CLDN18: variants seen among roughly 807,000 people sequenced by gnomAD.
The protein encoded by CLDN18 is claudin-18.
In CLDN18, 20 loss-of-function variants were observed where a neutral mutation model predicts 25.0. That is an observed-to-expected ratio of 0.80 (90% CI 0.56 to 1.16). The LOEUF (loss-of-function observed/expected upper bound fraction) is 1.16. CLDN18 is among the 50% of genes most tolerant of loss of function. CLDN18 has a pLI of 0.00. For synonymous variants in CLDN18, 125 were observed against 135.6 expected (o/e 0.92, Z 0.54); for missense variants, 297 against 345.4 (o/e 0.86, Z 1.11).
At position 138,002,454 on chromosome 3, in the gene CLDN18, T is replaced by G. The variant is rs139217540; in HGVS notation, c.220+3366T>G. Among the ~76,000 whole-genome samples, 521 of 152,310 alleles carry G rather than the reference T, an allele frequency of 3.4e-3. 3 individuals are homozygous for G. Among genetic ancestry groups the G allele is most frequent in the Non-Finnish European group, 3.7e-3 (252 of 68,018 alleles). On this transcript the variant is annotated intron_variant, in intron 1 of 4. Transcript: ENST00000343735. ...AGTTTGGAGTTCCCCCAATTCTGTT[T>G]TCTGTTTAATCTACATGACTCTGTT...
chr3:138,027,226 A>G (rs1293903681), intron 3 of CLDN18, among the ~76,000 whole-genome samples: 1 of 152,234 alleles, frequency 6.6e-6, no homozygotes, highest in Non-Finnish European at 1.5e-5. Flanking sequence ...CCTTTTGGCT[A>G]GGACTCACTC....
In CLDN18 at chr3:138,024,595, C is replaced by T. The variant is rs1942303692; in HGVS notation, c.386-12C>T. 6.4e-7 allele frequency: 1 copy of T among 1,558,344 alleles called. No individual in the cohort carries two copies. Among genetic ancestry groups the T allele is most frequent in the African/African-American group, 1.4e-5 (1 of 73,702 alleles). ...AAACTAACTCTGGAGTTTTCTTTTT[C>T]TTTGCCCACAGGTCTTTGTGCAATT... On this transcript the variant is annotated splice_polypyrimidine_tract_variant and intron_variant, in intron 2 of 4. Coordinates refer to ENST00000183605, the MANE Select transcript of CLDN18 (RefSeq NM_016369.4).
chr3:138,016,910 G>T (rs115007334), intron 1 of CLDN18, among the ~76,000 whole-genome samples: 2,127 of 152,202 alleles, frequency 0.014, 37 homozygotes, highest in African/African-American at 0.048. Flanking sequence ...GAACAAATTA[G>T]TCAGGCATGG....
upstream of CLDN18, among the ~76,000 whole-genome samples, chr3:138,005,761 T>G (rs1942062158): frequency 6.6e-6 from 1 of 152,232 alleles, no homozygotes; most frequent in South Asian, 2.1e-4. Context: ...AAAAGATTTT[T>G]TAAAACTTCA....
upstream of CLDN18, among the ~76,000 whole-genome samples, chr3:138,007,386 C>T (rs977444471): frequency 1.3e-5 from 2 of 152,182 alleles, no homozygotes; most frequent in African/African-American, 4.8e-5. Context: ...AGATCATATC[C>T]TTTGCAGGAA....
upstream of CLDN18, among the ~76,000 whole-genome samples, chr3:138,008,312 G>A (rs888819520): frequency 6.6e-6 from 1 of 151,934 alleles, no homozygotes; most frequent in Non-Finnish European, 1.5e-5. Flanking sequence ...TCATTAAAAT[G>A]TCTCCGGAGG....
intron 3 of CLDN18, among the ~76,000 whole-genome samples, chr3:138,027,301 C>A (rs1280682548): frequency 1.3e-5 from 2 of 152,148 alleles, no homozygotes; most frequent in Non-Finnish European, 2.9e-5. Flanking sequence ...GGGATTTTTC[C>A]CATATATTAC....
chr3:138,023,632 C>G, intron 1 of CLDN18, 26 bp from the exon 2 acceptor site: 1 of 1,608,336 alleles, frequency 6.2e-7, no homozygotes, highest in Non-Finnish European at 8.5e-7. Context: ...TATTTGTCTG[C>G]TTGTGTCTTG....
At chr3:138,013,413 C>T (rs985317528) in intron 1 of CLDN18, among the ~76,000 whole-genome samples, 2 of 152,192 alleles carry the variant, frequency 1.3e-5, no homozygotes, top group Non-Finnish European at 2.9e-5. Context: ...CTTGACACAA[C>T]AAAAGTTTAC....
intron 3 of CLDN18, among the ~76,000 whole-genome samples, chr3:138,028,880 A>G (rs1452679310): frequency 1.3e-5 from 2 of 152,222 alleles, no homozygotes; most frequent in Non-Finnish European, 2.9e-5. Context: ...AAGCACCACG[A>G]GCACAGGGTC....
At chr3:137,998,986 G>C in exon 1 of CLDN18, 2 of 1,614,230 alleles carry the variant, frequency 1.2e-6, no homozygotes, top group Non-Finnish European at 1.7e-6. Flanking sequence ...CAACAACCCC[G>C]TAACAGCTGT....
intron 1 of CLDN18, among the ~76,000 whole-genome samples, chr3:138,022,652 C>G (rs889138080): frequency 1.3e-5 from 2 of 152,224 alleles, no homozygotes; most frequent in African/African-American, 4.8e-5. Flanking sequence ...CATCTCCACA[C>G]AGTTTTGCAG....
At chr3:138,004,040 GGT>G (rs1942043383) in intron 1 of CLDN18, among the ~76,000 whole-genome samples, 2 of 152,008 alleles carry the variant, frequency 1.3e-5, no homozygotes, top group African/African-American at 4.8e-5. Context: ...CAGGTGTGGT[GGT>G]GCACGCCTGT....
upstream of CLDN18, among the ~76,000 whole-genome samples, chr3:138,007,750 C>T (rs910055199): frequency 6.6e-6 from 1 of 152,168 alleles, no homozygotes; most frequent in Admixed American, 6.5e-5. Flanking sequence ...GTAAGATAGA[C>T]TCTGTCTATG....
intron 1 of CLDN18, chr3:137,999,131 G>T (rs759249228): frequency 4.5e-6 from 7 of 1,568,678 alleles, no homozygotes; most frequent in South Asian, 4.4e-5. Context: ...GAGATTGGAG[G>T]TGGAGAGGAA....
At chr3:138,019,421 T>C in intron 1 of CLDN18, among the ~76,000 whole-genome samples, 1 of 152,110 alleles carries the variant, frequency 6.6e-6, no homozygotes, top group African/African-American at 2.4e-5. Context: ...TTATCTCCAG[T>C]CTAGGACCAA....
Position 138,019,566 on chromosome 3 carries a change from C to T in CLDN18, c.221-4092C>T, listed in dbSNP as rs941494256. 2.0e-5 allele frequency among the ~76,000 whole-genome samples: 3 copies of T among 152,226 alleles called. No homozygotes were observed. In the East Asian group the frequency reaches 5.8e-4, roughly 29 times the overall value. ...CTTAGTGATGCCAGCTCCTGAGAAC[C>T]CTCTTTCAGTCCAACTCTCCACTCT... On this transcript the variant is annotated intron_variant, in intron 1 of 4. Coordinates refer to ENST00000183605, the MANE Select transcript of CLDN18 (RefSeq NM_016369.4).
chr3:138,023,509 T>C, intron 1 of CLDN18, 149 bp from the exon 2 acceptor site: 2 of 641,300 alleles, frequency 3.1e-6, no homozygotes, highest in East Asian at 2.8e-5. Context: ...CCTTTGACAA[T>C]GGCAAGGTTC....
At chr3:138,029,980 C>CAA (rs58607601) in intron 4 of CLDN18, 73 bp downstream of exon 4, 281 of 804,976 alleles carry the variant, frequency 3.5e-4, no homozygotes, top group Non-Finnish European at 4.0e-4. Context: ...AACTTGCAGC[C>CAA]AAAAAAAAAA....
Sources: gnomAD v4.1 joint callset for allele counts (sites outside exome capture counted in the v4.1 genomes callset) on GRCh38, gnomAD v4.1.1 for gene constraint, MANE v1.5 for transcripts, NCBI Gene and HGNC (gene_info 2026-07-23, HGNC 2026-07-21) for gene names.